Variants in PLPP1 observed in about 807,000 individuals in gnomAD.
The protein encoded by PLPP1 is lipid phosphate phosphohydrolase 1a.
Under a neutral mutation model 31.2 loss-of-function variants are expected in PLPP1, and 24 were observed. The observed-to-expected ratio is 0.77, with a 90% confidence interval of 0.56 to 1.08. The LOEUF is 1.08. Ranked by LOEUF, PLPP1 falls within the 50% of genes least tolerant of loss-of-function variation. The probability of loss-of-function intolerance (pLI) is 0.00; values close to 1 mark genes in which losing one functional copy is unlikely to be tolerated. For missense variants in PLPP1, 319 were observed against 342.7 expected, an observed-to-expected ratio of 0.93 and a Z score of 0.55; for synonymous variants, 146 against 126.3, an observed-to-expected ratio of 1.16 and a Z score of -1.05.
chr5:55,475,470 G>A lies in PLPP1; in HGVS notation c.59-20C>T. The A allele has an allele frequency of 6.4e-7, 1 of 1,570,760 alleles. No individual in the cohort carries two copies. The highest frequency in any genetic ancestry group is 1.2e-5 in the South Asian group (1 of 84,478). On this transcript the variant is annotated intron_variant, in intron 1 of 5. Coordinates refer to ENST00000307259, the MANE Select transcript of PLPP1 (RefSeq NM_003711.4). ...ATCCAGCTAGCAAAAGGGAATAAAT[G>A]AAAATATCATTAAAAAAGAAATATC... is the stretch of plus-strand genomic sequence containing the variant.
At chr5:55,429,752 GCAGGGCCAAAGTATACAAGCTAC>G (rs2111664811) in intron 4 of PLPP1, among the ~76,000 whole-genome samples, 2 of 152,126 alleles carry the variant, frequency 1.3e-5, no homozygotes, top group South Asian at 4.2e-4. Context: ...GGGTGCTGCC[GCAGGGCCAAAGTATACAAGCTAC>G]TGGCAGTGAG....
At chr5:55,468,462 T>C (rs1282870986) in intron 2 of PLPP1, among the ~76,000 whole-genome samples, 2 of 152,048 alleles carry the variant, frequency 1.3e-5, no homozygotes, top group African/African-American at 2.4e-5. Context: ...CTTTAAAAAG[T>C]AGACAGTGAT....
chr5:55,455,362 C>A (rs1211884963), intron 3 of PLPP1, among the ~76,000 whole-genome samples: 1 of 152,168 alleles, frequency 6.6e-6, no homozygotes, highest in African/African-American at 2.4e-5. Flanking sequence ...GACACCGAGG[C>A]AGGCAGAACG....
At chr5:55,526,890 C>CCACTGTACTCCAGCCTGGG (rs1358834276) in intron 1 of PLPP1, among the ~76,000 whole-genome samples, 1 of 141,402 alleles carries the variant, frequency 7.1e-6, no homozygotes, top group Non-Finnish European at 1.5e-5. Flanking sequence ...CAAGATCGGG[C>CCACTGTACTCCAGCCTGGG]CACTGTACTC....
chr5:55,426,382 A>G (rs1401137425), intron 4 of PLPP1, among the ~76,000 whole-genome samples: 1 of 152,118 alleles, frequency 6.6e-6, no homozygotes, highest in Non-Finnish European at 1.5e-5. Context: ...AGTCAAGACC[A>G]GTGCTGCCAT....
intron 3 of PLPP1, among the ~76,000 whole-genome samples, chr5:55,467,652 G>GA: frequency 6.6e-6 from 1 of 151,692 alleles, no homozygotes; most frequent in Admixed American, 6.6e-5. Flanking sequence ...TGCTGGCGAT[G>GA]AAAAAAAGAG....
intron 4 of PLPP1, among the ~76,000 whole-genome samples, chr5:55,440,946 A>G (rs1265479258): frequency 1.3e-5 from 2 of 152,184 alleles, no homozygotes; most frequent in African/African-American, 4.8e-5. Flanking sequence ...GAAAATTAAG[A>G]CAAAAATTAT....
chr5:55,526,342 T>C (rs1740430889), intron 1 of PLPP1, among the ~76,000 whole-genome samples: 1 of 152,190 alleles, frequency 6.6e-6, no homozygotes, highest in South Asian at 2.1e-4. Flanking sequence ...CTATATTTTA[T>C]TCCAAGTAAG....
intron 3 of PLPP1, among the ~76,000 whole-genome samples, chr5:55,464,288 T>C (rs1390263574): frequency 6.6e-6 from 1 of 151,318 alleles, no homozygotes; most frequent in Non-Finnish European, 1.5e-5. Context: ...CAGGCTGGCA[T>C]GATCTGGGCT....
chr5:55,463,255 T>C (rs1663883454), intron 3 of PLPP1, among the ~76,000 whole-genome samples: 1 of 152,070 alleles, frequency 6.6e-6, no homozygotes, highest in Non-Finnish European at 1.5e-5. Flanking sequence ...AAAAACTAGA[T>C]GACGGGTTGA....
rs990989637 is a variant in PLPP1, at chr5:55,507,733, T to G, written c.58+26839A>C. Among the ~76,000 whole-genome samples the G allele has an allele frequency of 5.9e-5, 9 of 152,220 alleles. No homozygotes were observed. The East Asian group carries it at 1.7e-3, about 29-fold the overall frequency. ...TCAATGAGACCGAGAGCCCTCTGGG[T>G]TCACCTGGTCTTAGTGAATCCAGCA... On this transcript the variant is annotated intron_variant, in intron 1 of 5. Transcript: ENST00000307259.
intron 1 of PLPP1, among the ~76,000 whole-genome samples, chr5:55,525,777 A>G (rs1380680872): frequency 6.6e-6 from 1 of 152,212 alleles, no homozygotes; most frequent in East Asian, 1.9e-4. Flanking sequence ...TGACAATGAA[A>G]AAGAAGGTAA....
At chr5:55,459,398 A>T (rs1340358547) in intron 3 of PLPP1, among the ~76,000 whole-genome samples, 2 of 152,194 alleles carry the variant, frequency 1.3e-5, no homozygotes, top group Non-Finnish European at 2.9e-5. Flanking sequence ...TTAAAAAAAA[A>T]TCAGTAAAGA....
intron 4 of PLPP1, among the ~76,000 whole-genome samples, chr5:55,436,576 C>T (rs896203842): frequency 1.3e-5 from 2 of 152,140 alleles, no homozygotes; most frequent in Non-Finnish European, 2.9e-5. Context: ...TGAAAACAGA[C>T]TAATAAACCA....
intron 1 of PLPP1, among the ~76,000 whole-genome samples, chr5:55,533,837 G>A (rs1740771832): frequency 1.3e-5 from 2 of 152,164 alleles, no homozygotes; most frequent in Non-Finnish European, 2.9e-5. Flanking sequence ...GGAGTAACTG[G>A]CAACCAGAAG....
intron 4 of PLPP1, among the ~76,000 whole-genome samples, chr5:55,429,888 C>T (rs1328635399): frequency 6.6e-6 from 1 of 152,114 alleles, no homozygotes; most frequent in African/African-American, 2.4e-5. Context: ...CTGTTTATGA[C>T]TGCTGCCACA....
chr5:55,491,343 G>A (rs890275682), intron 1 of PLPP1, among the ~76,000 whole-genome samples: 2 of 152,032 alleles, frequency 1.3e-5, no homozygotes, highest in African/African-American at 2.4e-5. Context: ...ATTGACCTCC[G>A]ATTTTAGAAA....
intron 1 of PLPP1, among the ~76,000 whole-genome samples, chr5:55,511,654 T>G (rs957025177): frequency 2.3e-5 from 2 of 85,978 alleles, no homozygotes; most frequent in Admixed American, 1.2e-4. Context: ...TGTTGAGTTT[T>G]TTTTTTTTTT....
At chr5:55,518,551 C>G (rs1326359518) in intron 1 of PLPP1, among the ~76,000 whole-genome samples, 2 of 152,152 alleles carry the variant, frequency 1.3e-5, no homozygotes, top group African/African-American at 4.8e-5. Context: ...GGCAGGAGGC[C>G]TACACTACTT....
Sources: gnomAD v4.1 joint callset for allele counts (sites outside exome capture counted in the v4.1 genomes callset) on GRCh38, gnomAD v4.1.1 for gene constraint, MANE v1.5 for transcripts, NCBI Gene and HGNC (gene_info 2026-07-23, HGNC 2026-07-21) for gene names.